NRG1: variants seen among roughly 807,000 people sequenced by gnomAD.
NRG1 encodes pro-neuregulin-1, membrane-bound isoform.
A neutral mutation model predicts 63.8 loss-of-function variants in NRG1; 18 were observed. The ratio of observed to expected loss-of-function variants is 0.28; its 90% CI spans 0.19 to 0.42. The LOEUF is 0.42. Among genes scored for constraint, NRG1 ranks in the 10% least tolerant of loss-of-function variants. The probability of loss-of-function intolerance (pLI) is 1.00; values close to 1 mark genes in which losing one functional copy is unlikely to be tolerated. For missense variants in NRG1, 762 were observed against 814.7 expected (o/e 0.94, Z 0.79); for synonymous variants, 302 against 301.3 (o/e 1.00, Z -0.02).
At chr8:32,748,589 T>A (rs1378019903) in intron 7 of NRG1, 2 of 388,036 alleles carry the variant, frequency 5.2e-6, no homozygotes, top group African/African-American at 4.4e-5. Context: ...GAGTCCCAGC[T>A]GCCAGGATTG....
chr8:32,614,900 CTACTCTT>C (rs1427361355), intron 4 of NRG1, among the ~76,000 whole-genome samples: 1 of 152,094 alleles, frequency 6.6e-6, no homozygotes, highest in Admixed American at 6.6e-5. Context: ...TAGCTGCCTT[CTACTCTT>C]TCACCCCTCA....
intron 1 of NRG1, among the ~76,000 whole-genome samples, chr8:31,741,951 G>C (rs1433465920): frequency 6.6e-6 from 1 of 151,994 alleles, no homozygotes; most frequent in East Asian, 1.9e-4. Context: ...ACCAAAAGTA[G>C]GATATATAGA....
intron 1 of NRG1, among the ~76,000 whole-genome samples, chr8:32,269,729 A>G (rs905911790): frequency 6.6e-6 from 1 of 152,216 alleles, no homozygotes; most frequent in Admixed American, 6.5e-5. Flanking sequence ...TGACAAGACA[A>G]TGGAAAAAGA....
chr8:31,755,403 A>G (rs1816868986), intron 1 of NRG1, among the ~76,000 whole-genome samples: 1 of 152,216 alleles, frequency 6.6e-6, no homozygotes, highest in South Asian at 2.1e-4. Flanking sequence ...TTGGGAATGC[A>G]TTCAGATCCA....
intron 1 of NRG1, among the ~76,000 whole-genome samples, chr8:31,738,558 T>C (rs1178802199): frequency 1.3e-5 from 2 of 152,114 alleles, no homozygotes; most frequent in Non-Finnish European, 2.9e-5. Flanking sequence ...TTCCAGGTCT[T>C]TCAGTGAAAT....
chr8:32,681,081 A>G (rs1808492822), intron 5 of NRG1, among the ~76,000 whole-genome samples: 1 of 152,182 alleles, frequency 6.6e-6, no homozygotes, highest in Non-Finnish European at 1.5e-5. Flanking sequence ...CTGGCCAAAC[A>G]TAGTGACTTG....
intron 1 of NRG1, among the ~76,000 whole-genome samples, chr8:32,472,843 C>T (rs1824022200): frequency 6.6e-6 from 1 of 152,206 alleles, no homozygotes; most frequent in African/African-American, 2.4e-5. Flanking sequence ...TAGGGAGTGG[C>T]AGCCATCTGG....
At chr8:31,867,750 T>A (rs948304927) in intron 1 of NRG1, among the ~76,000 whole-genome samples, 2 of 152,186 alleles carry the variant, frequency 1.3e-5, no homozygotes, top group African/African-American at 4.8e-5. Flanking sequence ...TGTTATTTTT[T>A]AATTCCTGGC....
At chr8:32,127,378 GAGA>G (rs1834221569) in intron 1 of NRG1, among the ~76,000 whole-genome samples, 1 of 151,810 alleles carries the variant, frequency 6.6e-6, no homozygotes, top group South Asian at 2.1e-4. Flanking sequence ...GACCTTCCAA[GAGA>G]AGGTTGGCTA....
intron 1 of NRG1, among the ~76,000 whole-genome samples, chr8:32,583,639 A>G (rs914097554): frequency 3.9e-5 from 6 of 152,244 alleles, no homozygotes; most frequent in African/African-American, 1.4e-4. Context: ...ATTAAAATCT[A>G]GAGAGCTCAT....
At chr8:31,873,931 C>A (rs1829705236) in intron 1 of NRG1, among the ~76,000 whole-genome samples, 2 of 152,066 alleles carry the variant, frequency 1.3e-5, no homozygotes, top group Non-Finnish European at 2.9e-5. Context: ...TCTTAAGTTA[C>A]AGATTTTTAC....
chr8:31,807,727 A>G (rs1822425454), intron 1 of NRG1, among the ~76,000 whole-genome samples: 1 of 152,236 alleles, frequency 6.6e-6, no homozygotes, highest in Non-Finnish European at 1.5e-5. Context: ...GTTGTTTAGT[A>G]ACTCTAAATT....
chr8:32,245,877 A>G (rs935483323), intron 1 of NRG1, among the ~76,000 whole-genome samples: 1 of 152,176 alleles, frequency 6.6e-6, no homozygotes. Context: ...TACAGTATCT[A>G]TAAATTTCAG....
At chr8:32,447,419 C>CA (rs1232826564) in intron 1 of NRG1, among the ~76,000 whole-genome samples, 2 of 152,098 alleles carry the variant, frequency 1.3e-5, no homozygotes, top group African/African-American at 4.8e-5. Flanking sequence ...TGCAAAATAA[C>CA]AATGAAGCTA....
chr8:31,926,070 G>C (rs192001152), intron 1 of NRG1, among the ~76,000 whole-genome samples: 1 of 152,088 alleles, frequency 6.6e-6, no homozygotes. Context: ...ATCTCAGAGA[G>C]GAATGTATTT....
chr8:31,840,184 C>T (rs182185899), intron 1 of NRG1, among the ~76,000 whole-genome samples: 1 of 152,210 alleles, frequency 6.6e-6, no homozygotes, highest in East Asian at 1.9e-4. Flanking sequence ...AAATGACTTA[C>T]ACCAATTTGT....
Position 32,583,415 on chromosome 8 carries a change from A to G in NRG1, c.101-12413A>G, listed in dbSNP as rs141271477. Among the ~76,000 whole-genome samples, 648 of 152,224 alleles carry G rather than the reference A, an allele frequency of 4.3e-3. 5 individuals carry two copies. Among genetic ancestry groups the G allele is most frequent in the African/African-American group, 0.015 (618 of 41,538 alleles). On this transcript the variant is annotated intron_variant, in intron 1 of 11. Transcript: ENST00000356819. ...GTCTCCATTCTTTTTGATAGGGTCT[A>G]TCAAGCTTGTGGCAAAAGCTCAAGA...
intron 1 of NRG1, among the ~76,000 whole-genome samples, chr8:32,562,141 G>A (rs1349042933): frequency 1.3e-5 from 2 of 152,130 alleles, no homozygotes; most frequent in African/African-American, 4.8e-5. Flanking sequence ...TTCATACCCA[G>A]CTGGCCCCAT....
chr8:32,748,358 C>CACACACACAGAGAGAG (rs748763782), intron 7 of NRG1, among the ~76,000 whole-genome samples: 1 of 121,962 alleles, frequency 8.2e-6, no homozygotes, highest in Non-Finnish European at 1.7e-5. Flanking sequence ...CACACACACA[C>CACACACACAGAGAGAG]AGAGAGAGAG....
Sources: allele counts gnomAD v4.1 joint callset (sites outside exome capture counted in the v4.1 genomes callset), GRCh38; gene constraint gnomAD v4.1.1; transcripts MANE v1.5; gene names NCBI Gene and HGNC (gene_info 2026-07-23, HGNC 2026-07-21).